Variants in AKAP19 observed in about 807,000 individuals in gnomAD.
AKAP19 encodes the protein A-kinase anchoring protein 19.
the AKAP19 span, among the ~76,000 whole-genome samples, chr2:189,976,788 A>G: frequency 2.0e-5 from 3 of 152,210 alleles, no homozygotes; most frequent in Admixed American, 6.5e-5. Context: ...GGTGCGGAAT[A>G]TAATCTCCTG....
chr2:190,107,324 A>T, the AKAP19 span, among the ~76,000 whole-genome samples: 1 of 152,212 alleles, frequency 6.6e-6, no homozygotes, highest in South Asian at 2.1e-4. Context: ...TTGCTAAGAT[A>T]ATAAATTTAA....
At chr2:190,095,211 G>A in the AKAP19 span, among the ~76,000 whole-genome samples, 1 of 152,078 alleles carries the variant, frequency 6.6e-6, no homozygotes, top group African/African-American at 2.4e-5. Flanking sequence ...GACAGAGCAA[G>A]ACTCTGTCTC....
chr2:189,882,071 T>C, the AKAP19 span, among the ~76,000 whole-genome samples: 1 of 152,158 alleles, frequency 6.6e-6, no homozygotes, highest in African/African-American at 2.4e-5. Flanking sequence ...TACCATCAAA[T>C]ACCTATGAGT....
the AKAP19 span, among the ~76,000 whole-genome samples, chr2:190,188,920 A>C: frequency 6.6e-6 from 1 of 152,206 alleles, no homozygotes; most frequent in Admixed American, 6.5e-5. Flanking sequence ...CCATTCAATT[A>C]GGGCAACTGC....
chr2:190,198,700 T>C, the AKAP19 span, among the ~76,000 whole-genome samples: 1 of 144,442 alleles, frequency 6.9e-6, no homozygotes, highest in Non-Finnish European at 1.5e-5. Context: ...AGCTATGTTT[T>C]TAGTCCCAAA....
chr2:190,021,464 G>A, the AKAP19 span, among the ~76,000 whole-genome samples: 2 of 152,186 alleles, frequency 1.3e-5, no homozygotes, highest in African/African-American at 4.8e-5. Flanking sequence ...TAATTAACGG[G>A]ATTTTCCACT....
the AKAP19 span, among the ~76,000 whole-genome samples, chr2:190,198,288 A>G: frequency 1.3e-5 from 2 of 152,168 alleles, no homozygotes; most frequent in Non-Finnish European, 2.9e-5. Flanking sequence ...TCCTCTGGAC[A>G]TCCTTAATTA....
chr2:190,164,645 T>G, the AKAP19 span, among the ~76,000 whole-genome samples: 1 of 152,196 alleles, frequency 6.6e-6, no homozygotes, highest in Non-Finnish European at 1.5e-5. Context: ...TACCATAAAT[T>G]TTTAATAATG....
the AKAP19 span, among the ~76,000 whole-genome samples, chr2:190,193,833 T>C: frequency 6.6e-6 from 1 of 152,120 alleles, no homozygotes; most frequent in East Asian, 1.9e-4. Flanking sequence ...TCTACTTATT[T>C]TGGGTTTAAT....
chr2:189,987,126 T>G, the AKAP19 span, among the ~76,000 whole-genome samples: 1 of 152,156 alleles, frequency 6.6e-6, no homozygotes, highest in Non-Finnish European at 1.5e-5. Flanking sequence ...AATTCCCACA[T>G]GTTGTGAGAG....
chr2:189,984,959 T>A, the AKAP19 span, among the ~76,000 whole-genome samples: 3 of 151,296 alleles, frequency 2.0e-5, no homozygotes, highest in East Asian at 5.8e-4. Context: ...CTGAGAGGAG[T>A]GCAGACACAC....
the AKAP19 span, among the ~76,000 whole-genome samples, chr2:190,043,371 C>A: frequency 6.6e-6 from 1 of 152,156 alleles, no homozygotes; most frequent in Non-Finnish European, 1.5e-5. Context: ...TGCCATACTT[C>A]TAGAGATTTT....
At chr2:189,930,702 T>G in the AKAP19 span, 4 of 520,042 alleles carry the variant, frequency 7.7e-6, no homozygotes, top group Non-Finnish European at 1.4e-5. Flanking sequence ...GAAATTGAAT[T>G]GGGTCCCCAT....
chr2:190,050,419 A>T, the AKAP19 span, among the ~76,000 whole-genome samples: 1 of 152,212 alleles, frequency 6.6e-6, no homozygotes, highest in East Asian at 1.9e-4. Flanking sequence ...AATGTTAAAA[A>T]TTGGAAGGTA....
At chr2:189,913,980 A>G in the AKAP19 span, among the ~76,000 whole-genome samples, 2 of 152,090 alleles carry the variant, frequency 1.3e-5, no homozygotes, top group African/African-American at 2.4e-5. Flanking sequence ...TACGGAAATG[A>G]GGAGTAACTT....
At chr2:190,164,474 G>A in the AKAP19 span, among the ~76,000 whole-genome samples, 1 of 152,114 alleles carries the variant, frequency 6.6e-6, no homozygotes, top group Non-Finnish European at 1.5e-5. Flanking sequence ...AGGTTGCAGT[G>A]AACTATGATT....
At chr2:190,200,130 T>C in the AKAP19 span, 5 of 1,613,784 alleles carry the variant, frequency 3.1e-6, no homozygotes, top group Non-Finnish European at 4.2e-6. Flanking sequence ...TTCCATACAT[T>C]GAGAGTGAGG....
chr2:190,129,263 A>G, the AKAP19 span, among the ~76,000 whole-genome samples: 1 of 152,208 alleles, frequency 6.6e-6, no homozygotes, highest in Non-Finnish European at 1.5e-5. Context: ...TGTGGTTGCA[A>G]CCATGAAAAG....
At chr2:190,170,098 C>A in the AKAP19 span, among the ~76,000 whole-genome samples, 2 of 152,172 alleles carry the variant, frequency 1.3e-5, no homozygotes, top group African/African-American at 2.4e-5. Flanking sequence ...AAGTCGAGAT[C>A]ATGGGCGACA....
Sources: allele counts gnomAD v4.1 joint callset (sites outside exome capture counted in the v4.1 genomes callset), GRCh38; gene constraint gnomAD v4.1.1; transcripts MANE v1.5; gene names NCBI Gene and HGNC (gene_info 2026-07-23, HGNC 2026-07-21).